The following ADGRA1 variants were observed in gnomAD, a reference collection of about 807,000 sequenced individuals.
ADGRA1 encodes G-protein coupled receptor 123.
In ADGRA1, 12 loss-of-function variants were observed where a neutral mutation model predicts 21.3. The ratio of observed to expected loss-of-function variants is 0.56; its 90% CI spans 0.36 to 0.91. ADGRA1 has a LOEUF of 0.91. Among genes scored for constraint, ADGRA1 ranks in the 40% least tolerant of loss-of-function variants. ADGRA1 has a pLI of 0.01. For missense variants in ADGRA1, 790 were observed against 805.6 expected (o/e 0.98, Z 0.23); for synonymous variants, 385 against 368.8 (o/e 1.04, Z -0.50).
chr10:133,105,339 G>A (rs920648792), intron 5 of ADGRA1, among the ~76,000 whole-genome samples: 10 of 152,162 alleles, frequency 6.6e-5, no homozygotes, highest in African/African-American at 2.4e-4. Context: ...TGAAGGAGCC[G>A]TGTGTAAGCC....
Position 133,123,718 on chromosome 10 carries a change from C to T in ADGRA1, c.402-3515C>T, listed in dbSNP as rs990354733. Among the ~76,000 whole-genome samples the T allele has an allele frequency of 3.5e-3, 533 of 152,082 alleles. 1 individual carries two copies. The highest frequency in any genetic ancestry group is 6.5e-3 in the Non-Finnish European group (440 of 67,914). On this transcript the variant is annotated intron_variant, in intron 5 of 6. Coordinates refer to ENST00000392607, the MANE Select transcript of ADGRA1 (RefSeq NM_001083909.3). ...TTGTGGGGAGGACTGCCTCCCTCCCCCCCCCCGGCACCTTCTGGGGCTGCC... is the reference window on the plus strand; with the variant it reads ...TTGTGGGGAGGACTGCCTCCCTCCCTCCCCCCGGCACCTTCTGGGGCTGCC...
chr10:133,097,104 G>A lies in ADGRA1; in HGVS notation c.131+3G>A. Reference sequence around the variant, plus strand: ...GTCACCTACATCGTGCACCAGAGGTGAGCCTGGCATGGGCAAGGGCGCCCC... The same window carrying A: ...GTCACCTACATCGTGCACCAGAGGTAAGCCTGGCATGGGCAAGGGCGCCCC... On this transcript the variant is annotated splice_donor_region_variant and intron_variant, in intron 3 of 6. Coordinates refer to ENST00000392607, the MANE Select transcript of ADGRA1 (RefSeq NM_001083909.3). 6.2e-7 allele frequency: 1 copy of A among 1,604,592 alleles called. No homozygotes were observed. Among genetic ancestry groups the A allele is most frequent in the East Asian group, 2.2e-5 (1 of 44,884 alleles).
At chr10:133,096,450 G>C (rs536103112) in intron 2 of ADGRA1, among the ~76,000 whole-genome samples, 1 of 152,330 alleles carries the variant, frequency 6.6e-6, no homozygotes, top group South Asian at 2.1e-4. Context: ...AGGTCTGTTG[G>C]TGCCGAACAG....
chr10:133,096,896 A>G, intron 2 of ADGRA1, 78 bp from the exon 3 acceptor site: 1 of 1,521,010 alleles, frequency 6.6e-7, no homozygotes, highest in Non-Finnish European at 8.9e-7. Context: ...GCCGAGCCCC[A>G]AGGGTAGGCT....
At chr10:133,089,138 T>C in intron 2 of ADGRA1, 1 of 741,942 alleles carries the variant, frequency 1.3e-6, no homozygotes, top group Non-Finnish European at 1.9e-6. Flanking sequence ...ATCATACTAA[T>C]GAGTTGCAGG....
At position 133,088,130 on chromosome 10, in the gene ADGRA1, C is replaced by G; in HGVS notation, c.-211C>G. On this transcript the variant is annotated 5_prime_UTR_variant, in exon 1 of 7. Transcript: ENST00000392607. ...CCGGCCGCCCCGGCAGCCGCTTCGG[C>G]CACAGCAGGTGGGAAGGACGCGCGG... The G allele has an allele frequency of 1.0e-6, 1 of 984,504 alleles. No individual in the cohort carries two copies. Among genetic ancestry groups the G allele is most frequent in the Non-Finnish European group, 1.2e-6 (1 of 829,182 alleles). The allele number at this position is 984,504 out of a possible 1,614,324, so 61.0% of individuals were successfully genotyped here. A position where few individuals can be genotyped will look rare whatever the true frequency, so the allele number is the denominator to read the frequency against.
At chr10:133,117,642 T>A (rs1852183976) in intron 5 of ADGRA1, among the ~76,000 whole-genome samples, 1 of 152,246 alleles carries the variant, frequency 6.6e-6, no homozygotes, top group Non-Finnish European at 1.5e-5. Flanking sequence ...GCTCAGCATC[T>A]GGAATGGGCC....
intron 4 of ADGRA1, chr10:133,102,434 A>ACAGGC: frequency 1.6e-6 from 1 of 611,636 alleles, no homozygotes; most frequent in Non-Finnish European, 3.1e-6. Flanking sequence ...GCGTGAGTGC[A>ACAGGC]CAGGCCCATG....
chr10:133,102,868 C>G, intron 5 of ADGRA1, 26 bp downstream of exon 5: 1 of 1,590,852 alleles, frequency 6.3e-7, no homozygotes, highest in Non-Finnish European at 8.6e-7. Context: ...GGGCGCGAGG[C>G]CCCGCCACCT....
In ADGRA1 at chr10:133,105,261, C is replaced by T. The variant is rs141270767; in HGVS notation, c.401+2419C>T. ...CCACACCACTTCCTGCCGGACCCTC[C>T]GCCGGGACAGGGCAGCGCAGCCAGC... On this transcript the variant is annotated intron_variant, in intron 5 of 6. Transcript: ENST00000392607. Among the ~76,000 whole-genome samples the T allele has an allele frequency of 4.3e-3, 652 of 152,334 alleles. 5 individuals are homozygous for T. The highest frequency in any genetic ancestry group is 0.014 in the African/African-American group (589 of 41,574).
Position 133,088,956 on chromosome 10 carries a change from C to G in ADGRA1, c.3+44C>G, listed in dbSNP as rs377120333. The G allele has an allele frequency of 2.4e-6, 3 of 1,237,428 alleles. No homozygotes were observed. The African/African-American group carries it at 4.6e-5, about 19-fold the overall frequency. 76.7% of individuals were successfully genotyped at this position (1,237,428 alleles called of 1,614,324 possible). A position where few individuals can be genotyped will look rare whatever the true frequency, so the allele number is the denominator to read the frequency against. ...GGGGTCCTGCAGCTGGGGGCTAGGC[C>G]GCTGCGGGGGGGCGGCCACCCGTAT... On this transcript the variant is annotated intron_variant, in intron 2 of 6. Coordinates refer to ENST00000392607, the MANE Select transcript of ADGRA1 (RefSeq NM_001083909.3).
chr10:133,105,188 G>A (rs1385964812), intron 5 of ADGRA1, among the ~76,000 whole-genome samples: 3 of 152,248 alleles, frequency 2.0e-5, no homozygotes, highest in Middle Eastern at 3.4e-3. Context: ...GCAGCACGTC[G>A]CCCACACCCT....
intron 2 of ADGRA1, 88 bp from the exon 3 acceptor site, chr10:133,096,886 G>A (rs1851698353): frequency 4.7e-6 from 7 of 1,484,602 alleles, no homozygotes; most frequent in African/African-American, 4.2e-5. Flanking sequence ...TGCAGGGGAA[G>A]CCGAGCCCCA....
At chr10:133,125,573 G>A (rs2748433) in intron 5 of ADGRA1, among the ~76,000 whole-genome samples, 94,292 of 151,458 alleles carry the variant, frequency 0.62, 29,668 homozygotes, top group Admixed American at 0.72. Context: ...ACAGGCGCCC[G>A]CCACCACGCC....
At chr10:133,098,978 C>T (rs1220232972) in intron 4 of ADGRA1, among the ~76,000 whole-genome samples, 7 of 152,352 alleles carry the variant, frequency 4.6e-5, no homozygotes, top group South Asian at 2.1e-4. Flanking sequence ...TCCAGGCCGG[C>T]GCTAACCTGA....
intron 2 of ADGRA1, among the ~76,000 whole-genome samples, chr10:133,096,484 G>A (rs573002361): frequency 9.2e-5 from 14 of 152,228 alleles, no homozygotes; most frequent in Middle Eastern, 3.2e-3. Flanking sequence ...TCCACCTCTC[G>A]CAGAAGCTCG....
chr10:133,110,456 C>T (rs974399589), intron 5 of ADGRA1, among the ~76,000 whole-genome samples: 8 of 117,248 alleles, frequency 6.8e-5, no homozygotes, highest in Non-Finnish European at 1.0e-4. Context: ...TCAGGCAGTG[C>T]GTGGGGAATG....
intron 5 of ADGRA1, among the ~76,000 whole-genome samples, chr10:133,122,475 G>T (rs1438518933): frequency 1.3e-5 from 2 of 152,380 alleles, no homozygotes; most frequent in East Asian, 3.9e-4. Context: ...GCTGGGCAGG[G>T]TCAGCTGCAG....
rs553217796 is a variant in ADGRA1, at chr10:133,123,573, G to A, written c.402-3660G>A. Among the ~76,000 whole-genome samples the A allele has an allele frequency of 2.9e-3, 446 of 152,286 alleles. 3 individuals are homozygous for A. The highest frequency in any genetic ancestry group is 9.9e-3 in the African/African-American group (413 of 41,558). On this transcript the variant is annotated intron_variant, in intron 5 of 6. Coordinates refer to ENST00000392607, the MANE Select transcript of ADGRA1 (RefSeq NM_001083909.3). ...TTCACCGCACAGCTGGGGCCGCACC[G>A]CCTTCCCGTGGCTGCTGTGGCCACG...
Sources: gnomAD v4.1 joint callset for allele counts (sites outside exome capture counted in the v4.1 genomes callset) on GRCh38, gnomAD v4.1.1 for gene constraint, MANE v1.5 for transcripts, NCBI Gene and HGNC (gene_info 2026-07-23, HGNC 2026-07-21) for gene names.